The following AHCYL2 variants were observed in gnomAD, a reference collection of about 807,000 sequenced individuals.
AHCYL2 encodes the protein adenosylhomocysteinase like 2.
AHCYL2 carries 28 observed loss-of-function variants against 81.4 expected under a neutral mutation model. The ratio of observed to expected loss-of-function variants is 0.34; its 90% CI spans 0.25 to 0.47. The LOEUF (loss-of-function observed/expected upper bound fraction) is 0.47. Among genes scored for constraint, AHCYL2 ranks in the 20% least tolerant of loss-of-function variants. The pLI is 1.00. For synonymous variants in AHCYL2, 272 were observed against 290.2 expected (o/e 0.94, Z 0.64); for missense variants, 551 against 785.1 (o/e 0.70, Z 3.56).
intron 2 of AHCYL2, among the ~76,000 whole-genome samples, chr7:129,383,072 C>T (rs1330782610): frequency 6.6e-6 from 1 of 151,784 alleles, no homozygotes; most frequent in Admixed American, 6.6e-5. Flanking sequence ...ATATTTTATC[C>T]AGCTCAAATC....
chr7:129,414,612 A>C (rs903167418), intron 12 of AHCYL2, among the ~76,000 whole-genome samples: 2 of 151,906 alleles, frequency 1.3e-5, no homozygotes, highest in Admixed American at 6.6e-5. Context: ...GTAGAGGCAG[A>C]GTTTCACCAT....
intron 11 of AHCYL2, among the ~76,000 whole-genome samples, chr7:129,409,784 T>C (rs578199025): frequency 5.9e-4 from 90 of 152,300 alleles, no homozygotes; most frequent in African/African-American, 2.1e-3. Context: ...AACTGTTATA[T>C]CTCCATTCAT....
In AHCYL2 at chr7:129,357,547, C is replaced by CAACGA. The variant is rs558420122; in HGVS notation, c.364-22090_364-22089insACGAA. On this transcript the variant is annotated intron_variant, in intron 1 of 16. Transcript: ENST00000325006. ...GAATGTATAAATAACTCATACAAAT[C>CAACGA]AGTAAAGACTGACAACCCAATAGAA... Among the ~76,000 whole-genome samples the CAACGA allele has an allele frequency of 7.2e-5, 11 of 152,242 alleles. No homozygotes were observed. In the South Asian group the frequency reaches 2.3e-3, roughly 32 times the overall value.
At chr7:129,367,008 G>C (rs1794147127) in intron 1 of AHCYL2, among the ~76,000 whole-genome samples, 1 of 152,116 alleles carries the variant, frequency 6.6e-6, no homozygotes, top group African/African-American at 2.4e-5. Context: ...CCAGGTCATG[G>C]GTAGATAAGA....
chr7:129,259,073 A>G (rs1443167053), intron 1 of AHCYL2, among the ~76,000 whole-genome samples: 1 of 152,194 alleles, frequency 6.6e-6, no homozygotes, highest in East Asian at 1.9e-4. Flanking sequence ...TAGGAAATGA[A>G]TCTCTGGTGT....
At chr7:129,403,331 T>C in intron 6 of AHCYL2, 48 bp from the exon 7 acceptor site, 1 of 1,365,546 alleles carries the variant, frequency 7.3e-7, no homozygotes, top group Non-Finnish European at 1.0e-6. Context: ...CACTGAAGCC[T>C]TGAGACTTCA....
chr7:129,408,758 C>G (rs976667823), intron 10 of AHCYL2, among the ~76,000 whole-genome samples: 1 of 150,028 alleles, frequency 6.7e-6, no homozygotes, highest in Non-Finnish European at 1.5e-5. Context: ...AAAGGCATAA[C>G]CCTGCAGAGC....
chr7:129,299,161 C>T (rs1422945343), intron 1 of AHCYL2, among the ~76,000 whole-genome samples: 1 of 150,522 alleles, frequency 6.6e-6, no homozygotes, highest in East Asian at 1.9e-4. Context: ...ATTTTTCAAC[C>T]ATTTAAAAAT....
At chr7:129,367,488 TA>T (rs1466252619) in intron 1 of AHCYL2, among the ~76,000 whole-genome samples, 2 of 152,178 alleles carry the variant, frequency 1.3e-5, no homozygotes, top group Non-Finnish European at 2.9e-5. Flanking sequence ...TATGGAGAGA[TA>T]AAGCAGAAAC....
At chr7:129,231,588 C>T (rs1794441348) in intron 1 of AHCYL2, among the ~76,000 whole-genome samples, 1 of 152,160 alleles carries the variant, frequency 6.6e-6, no homozygotes, top group East Asian at 1.9e-4. Flanking sequence ...TGGCAGTTGC[C>T]CTGATCCACT....
At chr7:129,273,171 G>T (rs1188467362) in intron 1 of AHCYL2, among the ~76,000 whole-genome samples, 2 of 152,020 alleles carry the variant, frequency 1.3e-5, no homozygotes, top group African/African-American at 2.4e-5. Context: ...CAAAGTGCTG[G>T]GATTATAGGC....
intron 1 of AHCYL2, among the ~76,000 whole-genome samples, chr7:129,295,797 T>C (rs1286655650): frequency 1.3e-5 from 2 of 152,228 alleles, no homozygotes; most frequent in African/African-American, 4.8e-5. Context: ...TTAGTAGAAC[T>C]CAAATGTCTC....
At chr7:129,355,801 T>A (rs1793716472) in intron 1 of AHCYL2, among the ~76,000 whole-genome samples, 1 of 152,196 alleles carries the variant, frequency 6.6e-6, no homozygotes, top group African/African-American at 2.4e-5. Flanking sequence ...TAAAAAGATC[T>A]GCTTGCTAAT....
chr7:129,251,452 C>T (rs1795248522), intron 1 of AHCYL2, among the ~76,000 whole-genome samples: 1 of 150,284 alleles, frequency 6.7e-6, no homozygotes, highest in African/African-American at 2.4e-5. Flanking sequence ...TTGAAGCATT[C>T]TAGAGTAGGA....
At chr7:129,294,272 A>T (rs1247200602) in intron 1 of AHCYL2, among the ~76,000 whole-genome samples, 1 of 152,166 alleles carries the variant, frequency 6.6e-6, no homozygotes, top group Non-Finnish European at 1.5e-5. Context: ...GATGCCAAAA[A>T]ATCCCACATG....
intron 1 of AHCYL2, among the ~76,000 whole-genome samples, chr7:129,348,484 C>A (rs769073226): frequency 6.6e-5 from 10 of 151,528 alleles, no homozygotes; most frequent in Non-Finnish European, 1.3e-4. Flanking sequence ...AGAGGATATT[C>A]AGGTGCTGAA....
chr7:129,394,246 A>G (rs146172501), intron 4 of AHCYL2, among the ~76,000 whole-genome samples: 200 of 151,484 alleles, frequency 1.3e-3, no homozygotes, highest in African/African-American at 4.7e-3. Flanking sequence ...CCTGGCCTCA[A>G]GCGATCTCCT....
At chr7:129,405,680 T>G (rs1268598710) in intron 8 of AHCYL2, among the ~76,000 whole-genome samples, 156 bp from the exon 9 acceptor site, 11 of 152,054 alleles carry the variant, frequency 7.2e-5, no homozygotes, top group Non-Finnish European at 5.9e-5. Context: ...TTTTCTGGTC[T>G]TTACCAGAAA....
chr7:129,296,113 G>T (rs945389565), intron 1 of AHCYL2, among the ~76,000 whole-genome samples: 9 of 152,280 alleles, frequency 5.9e-5, no homozygotes, highest in Admixed American at 4.6e-4. Context: ...GACTTTAGAA[G>T]TGTGATTAGA....
Sources: allele counts gnomAD v4.1 joint callset (sites outside exome capture counted in the v4.1 genomes callset), GRCh38; gene constraint gnomAD v4.1.1; transcripts MANE v1.5; gene names NCBI Gene and HGNC (gene_info 2026-07-23, HGNC 2026-07-21).